Variants in DYRK4 observed in about 807,000 individuals in gnomAD.
The protein encoded by DYRK4 is dual specificity tyrosine phosphorylation regulated kinase 4, also known as dual specificity tyrosine-phosphorylation-regulated kinase 4.
A neutral mutation model predicts 68.3 loss-of-function variants in DYRK4; 64 were observed. The ratio of observed to expected loss-of-function variants is 0.94; its 90% confidence interval spans 0.77 to 1.15. The LOEUF is 1.15. Among genes scored for constraint, DYRK4 ranks in the 50% most tolerant of loss-of-function variants. The probability of loss-of-function intolerance (pLI) is 0.00; values close to 1 mark genes in which losing one functional copy is unlikely to be tolerated. For missense variants in DYRK4, 740 were observed against 764.7 expected, an observed-to-expected ratio of 0.97 and a Z score of 0.38; for synonymous variants, 274 against 289.9, an observed-to-expected ratio of 0.95 and a Z score of 0.56.
At chr12:4,562,367 TG>T (rs1159396634) in intron 1 of DYRK4, 84 bp downstream of exon 1, 6 of 1,463,936 alleles carry the variant, frequency 4.1e-6, no homozygotes, top group Non-Finnish European at 9.1e-7. Context: ...GACGGGGTCG[TG>T]GGGGGAGAAT....
intron 12 of DYRK4, 28 bp from the exon 13 acceptor site, chr12:4,610,127 C>G (rs1340911413): frequency 3.2e-6 from 5 of 1,549,138 alleles, no homozygotes; most frequent in African/African-American, 1.4e-5. Context: ...ACACCTGAAA[C>G]TAAATACAGA....
chr12:4,601,276 A>C (rs1199471919), intron 10 of DYRK4, among the ~76,000 whole-genome samples: 1 of 152,244 alleles, frequency 6.6e-6, no homozygotes, highest in African/African-American at 2.4e-5. Context: ...CTGTGAATTC[A>C]TATTATCTTT....
At chr12:4,583,870 T>C (rs1944868051) in intron 2 of DYRK4, among the ~76,000 whole-genome samples, 3 of 152,200 alleles carry the variant, frequency 2.0e-5, no homozygotes, top group Non-Finnish European at 4.4e-5. Context: ...GCTCTGGAGC[T>C]GGTCCCAGCT....
At chr12:4,605,146 G>T in intron 11 of DYRK4, 60 bp downstream of exon 11, 1 of 1,508,642 alleles carries the variant, frequency 6.6e-7, no homozygotes, top group Non-Finnish European at 9.1e-7. Flanking sequence ...CTCAGACACG[G>T]GGCTGCACCA....
intron 9 of DYRK4, 108 bp downstream of exon 9, chr12:4,599,274 T>TG (rs369884216): frequency 0.051 from 41,594 of 818,584 alleles, 935 homozygotes; most frequent in African/African-American, 0.15. Flanking sequence ...CTTTGACTTT[T>TG]TTTTTTTTTT....
At chr12:4,594,750 C>CA (rs1944998057) in intron 6 of DYRK4, among the ~76,000 whole-genome samples, 2 of 150,612 alleles carry the variant, frequency 1.3e-5, no homozygotes, top group African/African-American at 4.9e-5. Flanking sequence ...AAGAAAGGGA[C>CA]AATGTGTGTT....
intron 2 of DYRK4, among the ~76,000 whole-genome samples, chr12:4,575,298 A>ATTGT (rs562026104): frequency 4.2e-5 from 6 of 144,188 alleles, no homozygotes; most frequent in Non-Finnish European, 9.0e-5. Context: ...ACAATAACTT[A>ATTGT]CTGTGTGTGT....
chr12:4,604,957 G>A lies in DYRK4; in HGVS notation c.1170G>A (p.Val390=), dbSNP rs778797858. 2.5e-6 allele frequency: 4 copies of A among 1,613,406 alleles called. No individual in the cohort carries two copies. Among genetic ancestry groups the A allele is most frequent in the Non-Finnish European group, 3.4e-6 (4 of 1,179,588 alleles). ...IQSRFYRSPE[V]ILGHPYDVAI... Reference sequence around the variant, plus strand: ...GCCGGTTCTACCGATCCCCAGAAGTGATCCTGGGCCACCCCTACGACGTGG... The same window carrying A: ...GCCGGTTCTACCGATCCCCAGAAGTAATCCTGGGCCACCCCTACGACGTGG... Residue 390 remains valine, a synonymous_variant, in exon 11 of 15, where the codon GTG becomes GTA. Coordinates refer to ENST00000543431, the MANE Select transcript of DYRK4 (RefSeq NM_001394779.1).
intron 2 of DYRK4, among the ~76,000 whole-genome samples, chr12:4,586,259 T>C (rs10849100): frequency 0.36 from 55,414 of 151,834 alleles, 11,178 homozygotes; most frequent in Middle Eastern, 0.47. Context: ...CTGTCCCCTC[T>C]AGAGGCAGGG....
intron 2 of DYRK4, among the ~76,000 whole-genome samples, chr12:4,569,805 T>C (rs572513911): frequency 6.6e-6 from 1 of 152,234 alleles, no homozygotes; most frequent in Admixed American, 6.5e-5. Context: ...CTCTGTTGCA[T>C]GAGGATAGCT....
At chr12:4,564,327 A>G (rs1944656021) in intron 1 of DYRK4, 4 of 152,012 alleles carry the variant, frequency 2.6e-5, no homozygotes, top group Admixed American at 6.5e-5. Flanking sequence ...TTATATATCA[A>G]TTAAAAAATG....
chr12:4,585,100 T>A (rs1467211123), intron 2 of DYRK4, among the ~76,000 whole-genome samples: 5 of 152,128 alleles, frequency 3.3e-5, no homozygotes, highest in African/African-American at 1.2e-4. Flanking sequence ...AGTGTTCAGA[T>A]CCTATGGGTT....
rs572849412 is a variant in DYRK4, at chr12:4,611,864, G to C, written c.1491-679G>C. On this transcript the variant is annotated intron_variant, in intron 13 of 14. Coordinates refer to ENST00000543431, the MANE Select transcript of DYRK4 (RefSeq NM_001394779.1). ...TTGAAGGACTGAACCATAAAATTAGGATAGTTATTTTGTGTGATGGTAATG... is the reference window on the plus strand; with the variant it reads ...TTGAAGGACTGAACCATAAAATTAGCATAGTTATTTTGTGTGATGGTAATG... 9.8e-5 allele frequency among the ~76,000 whole-genome samples: 15 copies of C among 152,298 alleles called. No individual in the cohort carries two copies. In the South Asian group the frequency reaches 2.7e-3, roughly 27 times the overall value.
chr12:4,589,588 T>G (rs892797260), intron 3 of DYRK4, among the ~76,000 whole-genome samples: 34 of 152,264 alleles, frequency 2.2e-4, no homozygotes, highest in Non-Finnish European at 2.9e-5. Flanking sequence ...TATTTCTCTT[T>G]CTGTGCCTGG....
At chr12:4,605,185 C>CTTGTTG (rs145844490) in intron 11 of DYRK4, 99 bp downstream of exon 11, 17 of 1,042,170 alleles carry the variant, frequency 1.6e-5, no homozygotes, top group Non-Finnish European at 2.1e-5. Flanking sequence ...GCCTGCATAC[C>CTTGTTG]TTGTTGTTGT....
chr12:4,564,288 T>C (rs2137312677), intron 1 of DYRK4: 1 of 151,944 alleles, frequency 6.6e-6, no homozygotes, highest in East Asian at 1.9e-4. Flanking sequence ...GACTTGATTA[T>C]ATATTATATA....
intron 10 of DYRK4, 89 bp from the exon 11 acceptor site, chr12:4,604,825 G>A: frequency 7.8e-6 from 11 of 1,413,068 alleles, no homozygotes; most frequent in South Asian, 3.3e-5. Flanking sequence ...CAGCGGGGGC[G>A]CAGTCTAACT....
chr12:4,607,264 A>G, intron 11 of DYRK4, 63 bp from the exon 12 acceptor site: 1 of 1,599,068 alleles, frequency 6.3e-7, no homozygotes, highest in Non-Finnish European at 8.6e-7. Context: ...AGTACGCTCC[A>G]CCCCTCAGCC....
chr12:4,602,327 T>TCTGTTG (rs1170721836), intron 10 of DYRK4: 1 of 896,076 alleles, frequency 1.1e-6, no homozygotes, highest in Non-Finnish European at 1.8e-6. Flanking sequence ...TCTTCTATTT[T>TCTGTTG]CTGTTGCTCT....
Sources: allele counts gnomAD v4.1 joint callset (sites outside exome capture counted in the v4.1 genomes callset), GRCh38; gene constraint gnomAD v4.1.1; transcripts MANE v1.5; gene names NCBI Gene and HGNC (gene_info 2026-07-23, HGNC 2026-07-21).